Variants in SV2B observed in about 807,000 individuals in gnomAD.
The protein encoded by SV2B is solute carrier family 22 member B2.
In SV2B, 41 loss-of-function variants were observed where a neutral mutation model predicts 73.9. That is an observed-to-expected ratio of 0.56 (90% confidence interval 0.43 to 0.72). The LOEUF (loss-of-function observed/expected upper bound fraction) is 0.72. Among genes scored for constraint, SV2B ranks in the 30% least tolerant of loss-of-function variants. The pLI is 0.00. For missense variants in SV2B, 764 were observed against 857.8 expected, an observed-to-expected ratio of 0.89 and a Z score of 1.37; for synonymous variants, 314 against 314.2, an observed-to-expected ratio of 1.00 and a Z score of 0.01.
At chr15:91,126,975 A>T (rs1424958348) in intron 1 of SV2B, among the ~76,000 whole-genome samples, 1 of 152,226 alleles carries the variant, frequency 6.6e-6, no homozygotes. Flanking sequence ...CACCACTTCA[A>T]CATTATAGGA....
rs1002512272 is a variant in SV2B at position 91,197,783 on chromosome 15, C to A, written c.-391-28090C>A. Among the ~76,000 whole-genome samples, 23 of 152,032 alleles carry A rather than the reference C, an allele frequency of 1.5e-4. No homozygotes were observed. The highest frequency in any genetic ancestry group is 2.6e-4 in the Non-Finnish European group (18 of 68,018). ...GCCCGGTGGCCCACGCCTGTAATCC[C>A]AGCACTTTGGGAGGCCGAGATGGGT... On this transcript the variant is annotated intron_variant, in intron 1 of 12. Transcript: ENST00000394232. The surrounding 1 kb of genome is among the most constrained non-coding windows in gnomAD (Gnocchi z 4.9).
rs980384442 is a variant in SV2B at position 91,137,587 on chromosome 15, T to G, written c.-392+37224T>G. On this transcript the variant is annotated intron_variant, in intron 1 of 12. Transcript: ENST00000394232. This position sits in a 1 kb window ranked among gnomAD's most constrained non-coding sequence, Gnocchi z 4.9. The stretch of plus-strand genomic sequence containing the variant: ...AATGTGAAATATATATATATATATT[T>G]CTCATATATATATATATTTCATATA... Among the ~76,000 whole-genome samples, 50 of 142,074 alleles carry G rather than the reference T, an allele frequency of 3.5e-4. No individual in the cohort carries two copies. The highest frequency in any genetic ancestry group is 1.3e-3 in the African/African-American group (48 of 37,786). The allele number at this position is 142,074 out of a possible 152,430, so 93.2% of individuals were successfully genotyped here.
Position 91,118,234 on chromosome 15 carries a change from G to A in SV2B, c.-392+17871G>A, listed in dbSNP as rs2042232517. ...CTTGCACCCTAGCTGGGTGTTTGCT[G>A]ATCCATGGTTCTGGTGGAATGGAGT... On this transcript the variant is annotated intron_variant, in intron 1 of 12. Transcript: ENST00000394232. The surrounding 1 kb of genome is among the most constrained non-coding windows in gnomAD (Gnocchi z 4.7). Among the ~76,000 whole-genome samples the A allele has an allele frequency of 6.6e-6, 1 of 152,174 alleles. No individual in the cohort carries two copies. Among genetic ancestry groups the A allele is most frequent in the African/African-American group, 2.4e-5 (1 of 41,434 alleles).
chr15:91,134,735 T>A (rs2042765749), intron 1 of SV2B, among the ~76,000 whole-genome samples: 1 of 152,182 alleles, frequency 6.6e-6, no homozygotes, highest in African/African-American at 2.4e-5. Flanking sequence ...TCCTAACACA[T>A]AAGTGTTCAA....
intron 1 of SV2B, among the ~76,000 whole-genome samples, chr15:91,185,295 A>G (rs2044728269): frequency 6.6e-6 from 1 of 152,232 alleles, no homozygotes; most frequent in East Asian, 1.9e-4. Flanking sequence ...ATTTATTTTG[A>G]TATTTAATTC....
Position 91,100,488 on chromosome 15 carries a change from T to A in SV2B, c.-392+125T>A, listed in dbSNP as rs1252786067. The A allele has an allele frequency of 6.6e-6, 1 of 152,234 alleles. No homozygotes were observed. Among genetic ancestry groups the A allele is most frequent in the East Asian group, 1.9e-4 (1 of 5,200 alleles). 9.4% of individuals were successfully genotyped at this position (152,234 alleles called of 1,614,324 possible). On this transcript the variant is annotated intron_variant, in intron 1 of 12. Transcript: ENST00000394232. This position sits in a 1 kb window ranked among gnomAD's most constrained non-coding sequence, Gnocchi z 6.4. ...TACACGCTCGCACAGCTGAGTGCTG[T>A]TCATAGTAAATGGCACAAAAGATCG...
intron 9 of SV2B, among the ~76,000 whole-genome samples, chr15:91,270,596 C>T (rs138050664): frequency 3.3e-5 from 5 of 152,212 alleles, no homozygotes; most frequent in African/African-American, 9.6e-5. Flanking sequence ...GTCAATACAA[C>T]GCAGAGTCCT....
At position 91,231,724 on chromosome 15, in the gene SV2B, G is replaced by A. The variant is rs917130114; in HGVS notation, c.451+5010G>A. Among the ~76,000 whole-genome samples, 10 of 152,288 alleles carry A rather than the reference G, an allele frequency of 6.6e-5. No homozygotes were observed. Among genetic ancestry groups the A allele is most frequent in the East Asian group, 5.8e-4 (3 of 5,180 alleles). On this transcript the variant is annotated intron_variant, in intron 2 of 12. Transcript: ENST00000394232. The surrounding 1 kb of genome is among the most constrained non-coding windows in gnomAD (Gnocchi z 4.5). ...AGCTTCACTTTCAGGCAAGAGTTCC[G>A]TGTTTTGCCTGCAGAGTTTTCATTT...
rs891938465 is a variant in SV2B at position 91,110,474 on chromosome 15, G to A, written c.-392+10111G>A. ...CAATCCTCTGGGATTTTCCCTGCCT[G>A]GCTCCCAGAGCCCAGGCCCAGTGAG... On this transcript the variant is annotated intron_variant, in intron 1 of 12. Transcript: ENST00000394232. The surrounding 1 kb of genome is among the most constrained non-coding windows in gnomAD (Gnocchi z 5.4). Among the ~76,000 whole-genome samples, 28 of 152,324 alleles carry A rather than the reference G, an allele frequency of 1.8e-4. No individual in the cohort carries two copies. The highest frequency in any genetic ancestry group is 6.5e-4 in the African/African-American group (27 of 41,574).
In SV2B at chr15:91,260,363, A is replaced by G. The variant is rs778780394; in HGVS notation, c.962A>G (p.His321Arg). The part of the protein sequence containing the change: ...DEAWMILKQV[H>R]DTNMRAKGTP... The stretch of plus-strand genomic sequence containing the variant: ...GCCTGGATGATTCTCAAGCAAGTCC[A>G]TGACACCAACATGAGAGCTAAGGGG... Residue 321 changes from histidine to arginine, a missense_variant, in exon 6 of 13, where the codon CAT becomes CGT. Physicochemically the swap from His to Arg is conservative, Grantham distance 29 (BLOSUM62 0). Transcript: ENST00000394232. The G allele has an allele frequency of 3.1e-6, 5 of 1,613,730 alleles. No individual in the cohort carries two copies. The highest frequency in any genetic ancestry group is 4.2e-6 in the Non-Finnish European group (5 of 1,179,876).
chr15:91,269,568 C>A (rs2048225995), intron 9 of SV2B, among the ~76,000 whole-genome samples: 1 of 152,150 alleles, frequency 6.6e-6, no homozygotes, highest in Admixed American at 6.5e-5. Context: ...CTGTCTGCAC[C>A]CACATATGCG....
Position 91,226,489 on chromosome 15 carries a change from G to T in SV2B, c.226G>T (p.Gly76Cys), listed in dbSNP as rs771953166. The change falls in exon 2 of 13, where the codon GGC (glycine) becomes TGC (cysteine). Residue 76 changes from glycine (G) to cysteine (C), a missense_variant. Transcript: ENST00000394232. ...MAPSRMDSLR[G>C]QTDLMAERLE... Reference sequence around the variant, plus strand: ...GCCCTCCAGAATGGACAGCCTTCGGGGCCAGACAGACCTGATGGCTGAGAG... The same window carrying T: ...GCCCTCCAGAATGGACAGCCTTCGGTGCCAGACAGACCTGATGGCTGAGAG... 6.8e-6 allele frequency: 11 copies of T among 1,614,206 alleles called. No homozygotes were observed. In the East Asian group the frequency reaches 2.0e-4, roughly 29 times the overall value.
intron 2 of SV2B, among the ~76,000 whole-genome samples, chr15:91,244,827 A>G (rs185111280): frequency 2.6e-5 from 4 of 152,354 alleles, no homozygotes; most frequent in African/African-American, 4.8e-5. Flanking sequence ...AGATGTTATT[A>G]TAGATGCAAT....
chr15:91,128,739 T>A lies in SV2B; in HGVS notation c.-392+28376T>A, dbSNP rs2042559397. On this transcript the variant is annotated intron_variant, in intron 1 of 12. Coordinates refer to ENST00000394232, the MANE Select transcript of SV2B (RefSeq NM_001323032.3). The surrounding 1 kb of genome is among the most constrained non-coding windows in gnomAD (Gnocchi z 4.2). ...TGACTATAGGTCCTAAGACTCTCAG[T>A]CCAGAGAGGGCCCTGCCCCACACCC... The A allele has an allele frequency of 6.6e-6, 1 of 152,330 alleles. No individual in the cohort carries two copies. The highest frequency in any genetic ancestry group is 2.4e-5 in the African/African-American group (1 of 41,452). 9.4% of individuals were successfully genotyped at this position (152,330 alleles called of 1,614,324 possible).
intron 1 of SV2B, among the ~76,000 whole-genome samples, chr15:91,203,261 C>T (rs976391557): frequency 1.3e-5 from 2 of 152,204 alleles, no homozygotes; most frequent in African/African-American, 4.8e-5. Context: ...GCATAGTCAC[C>T]CCTGAGGTGT....
Position 91,300,646 on chromosome 15 carries a change from C to T in SV2B, c.*8094C>T, listed in dbSNP as rs1254113789. 1 of 152,136 alleles carries T rather than the reference C, an allele frequency of 6.6e-6. No individual in the cohort carries two copies. Among genetic ancestry groups the T allele is most frequent in the Non-Finnish European group, 1.5e-5 (1 of 68,044 alleles). 9.4% of individuals were successfully genotyped at this position (152,136 alleles called of 1,614,324 possible). On this transcript the variant is annotated 3_prime_UTR_variant, in exon 13 of 13. Transcript: ENST00000394232. ...ATGTGGGTGACTATTTCCTGTTCTT[C>T]CCTGAAAGTCAGGCCAGTGGTCTCG...
intron 1 of SV2B, among the ~76,000 whole-genome samples, chr15:91,219,630 T>C (rs2141459315): frequency 6.6e-6 from 1 of 152,276 alleles, no homozygotes; most frequent in Admixed American, 6.5e-5. Context: ...GAGGTATATT[T>C]TATATACCAT....
At position 91,226,047 on chromosome 15, in the gene SV2B, C is replaced by T. The variant is rs866829619; in HGVS notation, c.-217C>T. The T allele has an allele frequency of 4.8e-5, 27 of 561,614 alleles. No homozygotes were observed. The highest frequency in any genetic ancestry group is 2.1e-4 in the South Asian group (9 of 43,632). 34.8% of individuals were successfully genotyped at this position (561,614 alleles called of 1,614,324 possible). ...AACTTTCCAGACTTCCAACAGACAT[C>T]GAGTGCAAAAGGATATTTAGGTTGT... On this transcript the variant is annotated 5_prime_UTR_variant, in exon 2 of 13. Coordinates refer to ENST00000394232, the MANE Select transcript of SV2B (RefSeq NM_001323032.3).
chr15:91,200,591 C>A (rs1445689028), intron 1 of SV2B, among the ~76,000 whole-genome samples: 1 of 152,116 alleles, frequency 6.6e-6, no homozygotes, highest in African/African-American at 2.4e-5. Context: ...GATGGTGCTA[C>A]TGGGGTTTAT....
Sources: gnomAD v4.1 joint callset for allele counts (sites outside exome capture counted in the v4.1 genomes callset) on GRCh38, gnomAD v4.1.1 for gene constraint, Gnocchi (gnomAD v3.1) non-coding constraint, MANE v1.5 for transcripts, NCBI Gene and HGNC (gene_info 2026-07-23, HGNC 2026-07-21) for gene names.